The following PRKAR1A variants were observed in gnomAD, a reference collection of about 807,000 sequenced individuals.
PRKAR1A encodes the protein protein kinase cAMP-dependent type I regulatory subunit alpha.
In PRKAR1A, 3 loss-of-function variants were observed where a neutral mutation model predicts 52.0. The ratio of observed to expected loss-of-function variants is 0.06; its 90% CI spans 0.03 to 0.15. The LOEUF is 0.15. Ranked by LOEUF, PRKAR1A falls within the 10% of genes least tolerant of loss-of-function variation. The probability of loss-of-function intolerance (pLI) is 1.00; values close to 1 mark genes in which losing one functional copy is unlikely to be tolerated. For synonymous variants in PRKAR1A, 188 were observed against 168.4 expected (o/e 1.12, Z -0.90); for missense variants, 240 against 477.4 (o/e 0.50, Z 4.63).
chr17:68,484,768 T>A, the PRKAR1A span, among the ~76,000 whole-genome samples: 6 of 152,236 alleles, frequency 3.9e-5, no homozygotes, highest in East Asian at 1.2e-3. Context: ...AACAAAGTAG[T>A]GTTTTCCATC....
rs2085883906 is a variant in PRKAR1A at position 68,529,083 on chromosome 17, G to A, written c.891+92G>A. ...AGTTGTACGCTCTAAGAGGGAAAGA[G>A]TGGGCTAATTCTGAACTATAGCTTT... On this transcript the variant is annotated intron_variant, in intron 9 of 10. Coordinates refer to ENST00000589228, the MANE Select transcript of PRKAR1A (RefSeq NM_002734.5). 5 of 1,481,044 alleles carry A rather than the reference G, an allele frequency of 3.4e-6. 1 individual carries two copies. The highest frequency in any genetic ancestry group is 1.8e-5 in the Admixed American group (1 of 56,322). 91.7% of individuals were successfully genotyped at this position (1,481,044 alleles called of 1,614,324 possible). A position where few individuals can be genotyped will look rare whatever the true frequency, so the allele number is the denominator to read the frequency against.
the PRKAR1A span, among the ~76,000 whole-genome samples, chr17:68,479,997 C>A: frequency 4.6e-5 from 7 of 152,158 alleles, no homozygotes; most frequent in Non-Finnish European, 8.8e-5. Flanking sequence ...GGTGACCACC[C>A]CCAGGATTCA....
chr17:68,492,787 G>A, the PRKAR1A span, among the ~76,000 whole-genome samples: 18 of 152,150 alleles, frequency 1.2e-4, no homozygotes, highest in Non-Finnish European at 2.5e-4. Flanking sequence ...GAGCAGGAGT[G>A]CAAGTTTATT....
At chr17:68,540,401 C>G in intron 11 of PRKAR1A, 1 of 448,468 alleles carries the variant, frequency 2.2e-6, no homozygotes, top group Non-Finnish European at 4.4e-6. Flanking sequence ...CCGACCTAAG[C>G]TCCTGTATGA....
the PRKAR1A span, chr17:68,426,225 T>C: frequency 4.8e-6 from 5 of 1,034,928 alleles, no homozygotes; most frequent in East Asian, 1.4e-4. Flanking sequence ...TCTGCTTTTA[T>C]GCCATGACCT....
chr17:68,466,691 C>T, the PRKAR1A span, among the ~76,000 whole-genome samples: 1 of 152,142 alleles, frequency 6.6e-6, no homozygotes, highest in Middle Eastern at 3.4e-3. Flanking sequence ...AGATTACAAT[C>T]GTGAGTCACC....
chr17:68,531,664 A>G lies in PRKAR1A; in HGVS notation c.*1215A>G. ...TTGGTCTGAAAGGCTATCCTGCTGA[A>G]AGTCCTGCTTTCCTATCTAGCATTT... On this transcript the variant is annotated 3_prime_UTR_variant, in exon 11 of 11. Transcript: ENST00000589228. The G allele has an allele frequency of 9.4e-7, 1 of 1,066,178 alleles. No individual in the cohort carries two copies. The highest frequency in any genetic ancestry group is 1.1e-6 in the Non-Finnish European group (1 of 879,462). 66.0% of individuals were successfully genotyped at this position (1,066,178 alleles called of 1,614,324 possible).
At chr17:68,551,212 C>A in exon 12 of PRKAR1A, 1 of 1,021,656 alleles carries the variant, frequency 9.8e-7, no homozygotes, top group Non-Finnish European at 1.3e-6. Context: ...CAAGCTCTGT[C>A]TAAGGACTCA....
At chr17:68,419,797 A>G in the PRKAR1A span, among the ~76,000 whole-genome samples, 2 of 57,574 alleles carry the variant, frequency 3.5e-5, no homozygotes, top group Middle Eastern at 0.02. Context: ...CTGTCTCTGG[A>G]AAAAAAAAAA....
At chr17:68,453,057 T>C in the PRKAR1A span, 12 of 1,370,644 alleles carry the variant, frequency 8.8e-6, no homozygotes, top group South Asian at 1.3e-4. Flanking sequence ...TGTCTGCAAA[T>C]AGATGCCTTT....
the PRKAR1A span, among the ~76,000 whole-genome samples, chr17:68,457,154 G>A: frequency 6.6e-6 from 1 of 152,086 alleles, no homozygotes; most frequent in Non-Finnish European, 1.5e-5. Context: ...GTGGGGTGGG[G>A]TGGGGGGTGC....
At chr17:68,427,461 A>G in the PRKAR1A span, 1 of 373,710 alleles carries the variant, frequency 2.7e-6, no homozygotes, top group African/African-American at 2.1e-5. Flanking sequence ...GGTTCAAGCG[A>G]TTCTCCTGCC....
chr17:68,461,261 G>A, the PRKAR1A span, among the ~76,000 whole-genome samples: 1 of 152,146 alleles, frequency 6.6e-6, no homozygotes, highest in Non-Finnish European at 1.5e-5. This position sits in a 1 kb window ranked among gnomAD's most constrained non-coding sequence, Gnocchi z 4.6. Context: ...TAACTAGTAA[G>A]TTACTTACCA....
At chr17:68,425,289 G>GACCTC in the PRKAR1A span, among the ~76,000 whole-genome samples, 1 of 152,040 alleles carries the variant, frequency 6.6e-6, no homozygotes, top group Middle Eastern at 3.2e-3. Context: ...CTGCAGCCTC[G>GACCTC]ACCTCCCAGG....
chr17:68,444,444 C>A, the PRKAR1A span: 2 of 1,535,704 alleles, frequency 1.3e-6, no homozygotes, highest in Non-Finnish European at 1.8e-6. Context: ...GGGAAAGAAG[C>A]ACCAGGACAT....
chr17:68,488,730 A>C, the PRKAR1A span, among the ~76,000 whole-genome samples: 2 of 148,110 alleles, frequency 1.4e-5, no homozygotes, highest in Non-Finnish European at 3.0e-5. Context: ...ACTCCATCTC[A>C]AAACAAAAAA....
the PRKAR1A span, among the ~76,000 whole-genome samples, chr17:68,447,854 G>C: frequency 2.6e-5 from 4 of 151,816 alleles, no homozygotes; most frequent in Non-Finnish European, 4.4e-5. Context: ...TTAGCCGGGC[G>C]TGGTGGCAGG....
chr17:68,457,554 ACCCCGCCCCGT>A, the PRKAR1A span: 1 of 140,526 alleles, frequency 7.1e-6, no homozygotes, highest in Middle Eastern at 2.1e-3. Flanking sequence ...CCCCGCCCCT[ACCCCGCCCCGT>A]CCCCACCCCG....
intron 11 of PRKAR1A, chr17:68,539,427 C>G: frequency 6.3e-7 from 1 of 1,599,636 alleles, no homozygotes; most frequent in Non-Finnish European, 8.6e-7. Context: ...TTATGGGTGG[C>G]CGGCAGCATC....
Sources: gnomAD v4.1 joint callset for allele counts (sites outside exome capture counted in the v4.1 genomes callset) on GRCh38, gnomAD v4.1.1 for gene constraint, Gnocchi (gnomAD v3.1) non-coding constraint, MANE v1.5 for transcripts, NCBI Gene and HGNC (gene_info 2026-07-23, HGNC 2026-07-21) for gene names.